R3HDM2: variants seen among roughly 807,000 people sequenced by gnomAD.
R3HDM2 encodes the protein R3H domain-containing protein 2.
Under a neutral mutation model 124.5 loss-of-function variants are expected in R3HDM2, and 38 were observed. The observed-to-expected ratio is 0.31, with a 90% confidence interval of 0.24 to 0.40. R3HDM2 has a LOEUF of 0.40. Among genes scored for constraint, R3HDM2 ranks in the 10% least tolerant of loss-of-function variants. The pLI is 1.00. For missense variants in R3HDM2, 869 were observed against 1,236.9 expected (o/e 0.70, Z 4.46); for synonymous variants, 391 against 448.0 (o/e 0.87, Z 1.61).
At chr12:57,411,471 G>A (rs1044886648) in intron 1 of R3HDM2, among the ~76,000 whole-genome samples, 1 of 152,172 alleles carries the variant, frequency 6.6e-6, no homozygotes, top group Non-Finnish European at 1.5e-5. Flanking sequence ...ATGCAGAATT[G>A]TAACTATTTC....
At chr12:57,291,769 G>A (rs968824822) in intron 11 of R3HDM2, among the ~76,000 whole-genome samples, 1 of 152,074 alleles carries the variant, frequency 6.6e-6, no homozygotes, top group Non-Finnish European at 1.5e-5. Context: ...GTGAGATGGT[G>A]CTCATATCTG....
At position 57,269,327 on chromosome 12, in the gene R3HDM2, C is replaced by T; in HGVS notation, c.1710G>A (p.Gln570=). ...TAAACCAGTGGTTTCTCTTACCAGG[C>T]TGCTGGGATGGCTGAGGCAGCTGCT... is the stretch of plus-strand genomic sequence containing the variant. The part of the protein sequence containing the change: ...RGQQLPQPSQ[Q]PGLQPMMPNQ... Residue 570 remains glutamine (Q), a synonymous_variant, in exon 16 of 24, where the codon CAG becomes CAA. Transcript: ENST00000402412. 1.2e-6 allele frequency: 2 copies of T among 1,613,838 alleles called. No individual in the cohort carries two copies. The highest frequency in any genetic ancestry group is 1.7e-6 in the Non-Finnish European group (2 of 1,179,970).
intron 2 of R3HDM2, among the ~76,000 whole-genome samples, chr12:57,371,994 A>G (rs2063448708): frequency 6.6e-6 from 1 of 152,158 alleles, no homozygotes; most frequent in South Asian, 2.1e-4. Context: ...CAGCCTCCCA[A>G]GTAGGTGGGA....
At chr12:57,278,710 A>G (rs1401200345) in intron 14 of R3HDM2, among the ~76,000 whole-genome samples, 1 of 152,232 alleles carries the variant, frequency 6.6e-6, no homozygotes, top group African/African-American at 2.4e-5. Context: ...TGGTGGTAGA[A>G]CAAGAAAGTT....
At chr12:57,339,549 T>C (rs559355677) in intron 2 of R3HDM2, among the ~76,000 whole-genome samples, 1 of 151,964 alleles carries the variant, frequency 6.6e-6, no homozygotes, top group South Asian at 2.1e-4. Flanking sequence ...AATACAAAAA[T>C]TAGCTGGATG....
chr12:57,257,886 TCTACAC>T, intron 21 of R3HDM2, 98 bp downstream of exon 21: 2 of 1,253,264 alleles, frequency 1.6e-6, no homozygotes, highest in East Asian at 5.1e-5. Flanking sequence ...AATTGGATCA[TCTACAC>T]TGGTCCTCTG....
intron 2 of R3HDM2, among the ~76,000 whole-genome samples, chr12:57,384,353 CAAA>C (rs55693368): frequency 8.5e-6 from 1 of 117,742 alleles, no homozygotes; most frequent in African/African-American, 3.3e-5. Context: ...GACTCTGTCT[CAAA>C]AAAAAAAAAA....
intron 2 of R3HDM2, among the ~76,000 whole-genome samples, chr12:57,380,421 G>A (rs1437088664): frequency 2.0e-5 from 3 of 152,160 alleles, no homozygotes; most frequent in Non-Finnish European, 4.4e-5. Flanking sequence ...ACAGAATGAT[G>A]GCTGGGAAAA....
intron 2 of R3HDM2, among the ~76,000 whole-genome samples, chr12:57,370,529 A>C (rs548594823): frequency 1.3e-5 from 2 of 151,810 alleles, no homozygotes; most frequent in South Asian, 4.2e-4. Flanking sequence ...AATCCCAGCT[A>C]CTCGGGAGGC....
chr12:57,278,238 A>G (rs2045311409), intron 14 of R3HDM2, among the ~76,000 whole-genome samples: 1 of 152,228 alleles, frequency 6.6e-6, no homozygotes, highest in African/African-American at 2.4e-5. Context: ...AGATAAGCCA[A>G]TGCCAACGAT....
chr12:57,256,107 G>A (rs2038917753), intron 22 of R3HDM2, 33 bp from the exon 23 acceptor site: 2 of 1,583,522 alleles, frequency 1.3e-6, no homozygotes, highest in South Asian at 2.2e-5. Context: ...CTCATCCCAT[G>A]TAAACAACAT....
chr12:57,324,093 A>G (rs1473469647), intron 2 of R3HDM2, among the ~76,000 whole-genome samples: 1 of 152,186 alleles, frequency 6.6e-6, no homozygotes, highest in Non-Finnish European at 1.5e-5. Flanking sequence ...GATGCCTTCC[A>G]TTACTAACTT....
At chr12:57,326,619 A>C (rs1344322485) in intron 2 of R3HDM2, among the ~76,000 whole-genome samples, 1 of 152,258 alleles carries the variant, frequency 6.6e-6, no homozygotes, top group African/African-American at 2.4e-5. Flanking sequence ...AAGCTGTAGC[A>C]AATTATATAG....
chr12:57,344,594 T>C (rs140927669), intron 2 of R3HDM2, among the ~76,000 whole-genome samples: 3 of 152,192 alleles, frequency 2.0e-5, no homozygotes, highest in East Asian at 3.9e-4. Context: ...TTGAAACTAA[T>C]GAAAAGACAG....
chr12:57,256,071 G>A lies in R3HDM2; in HGVS notation c.2551C>T (p.Gln851Ter). 6.2e-7 allele frequency: 1 copy of A among 1,613,624 alleles called. No homozygotes were observed. Among genetic ancestry groups the A allele is most frequent in the Non-Finnish European group, 8.5e-7 (1 of 1,179,562 alleles). The change falls in exon 23 of 24, where the codon CAG becomes TAG. Residue 851 changes from glutamine to a stop codon, truncating the protein, a stop_gained. Transcript: ENST00000402412. LOFTEE classifies it high-confidence loss of function. ...CGGTTTCCATGCTTCAGTCCACTCT[G>A]TCCCTTCAACATTTGAAAGACGACT... ...GQSTYTVHQG[Q>*]SGLKHGNRGK...
intron 14 of R3HDM2, among the ~76,000 whole-genome samples, chr12:57,280,068 G>A (rs2045789347): frequency 1.3e-5 from 2 of 152,102 alleles, no homozygotes; most frequent in African/African-American, 4.8e-5. Flanking sequence ...AGAGGGAGAT[G>A]GGGTACAGTA....
intron 2 of R3HDM2, among the ~76,000 whole-genome samples, chr12:57,369,779 C>G (rs76606898): frequency 6.6e-6 from 1 of 151,954 alleles, no homozygotes; most frequent in East Asian, 1.9e-4. Context: ...GTTGCCCTTA[C>G]TATTGAAATC....
intron 2 of R3HDM2, among the ~76,000 whole-genome samples, chr12:57,377,695 G>T (rs774386551): frequency 3.6e-4 from 55 of 152,136 alleles, no homozygotes; most frequent in African/African-American, 1.3e-3. Flanking sequence ...ATAACATTAG[G>T]ACCATGCCTA....
At chr12:57,422,839 CT>C (rs1851300815) in intron 1 of R3HDM2, among the ~76,000 whole-genome samples, 2 of 152,090 alleles carry the variant, frequency 1.3e-5, no homozygotes, top group African/African-American at 4.8e-5. Flanking sequence ...ATAAAATTAG[CT>C]GGATGTGATG....
Sources: allele counts gnomAD v4.1 joint callset (sites outside exome capture counted in the v4.1 genomes callset), GRCh38; gene constraint gnomAD v4.1.1; transcripts MANE v1.5; gene names NCBI Gene and HGNC (gene_info 2026-07-23, HGNC 2026-07-21).